Variants in ARID4B observed in about 807,000 individuals in gnomAD.
The protein encoded by ARID4B is AT-rich interactive domain-containing protein 4B.
Under a neutral mutation model 147.5 loss-of-function variants are expected in ARID4B, and 26 were observed. That is an observed-to-expected ratio of 0.18 (90% CI 0.13 to 0.24). ARID4B has a LOEUF of 0.24. ARID4B is among the 10% of genes least tolerant of loss of function. The probability of loss-of-function intolerance (pLI) is 1.00; values close to 1 mark genes in which losing one functional copy is unlikely to be tolerated. For synonymous variants in ARID4B, 512 were observed against 507.9 expected (o/e 1.01, Z -0.11); for missense variants, 1,179 against 1,511.5 (o/e 0.78, Z 3.65).
chr1:235,182,387 C>G lies in ARID4B; in HGVS notation c.2532G>C (p.Glu844Asp). The G allele has an allele frequency of 1.2e-6, 2 of 1,609,666 alleles. No homozygotes were observed. The highest frequency in any genetic ancestry group is 1.7e-6 in the Non-Finnish European group (2 of 1,179,040). ...AAAGTGATTCTTTGTTCTTGGCCTT[C>G]TCTTCCTTTTTGCCAGGTGATCCAG... ...LKTGSPGKKEEKAKNKESLCM... is the reference protein window; with the variant it reads ...LKTGSPGKKEDKAKNKESLCM... Residue 844 changes from glutamate (E) to aspartate (D), a missense_variant, in exon 20 of 24, where the codon GAG becomes GAC. Physicochemically the swap from Glu to Asp is conservative, Grantham distance 45. This residue lies in a region of ARID4B where 321 missense variants were observed against 342.4 expected (regional missense o/e 0.94). Coordinates refer to ENST00000264183, the MANE Select transcript of ARID4B (RefSeq NM_016374.6).
chr1:235,236,828 T>TAAAAA lies in ARID4B; in HGVS notation c.586-2341_586-2337dup, dbSNP rs767176715. ...GCGCCTGGCCCACAAAACGGTTTTA[T>TAAAAA]AAAAAATATATATATATATATATAT... is the stretch of plus-strand genomic sequence containing the variant. On this transcript the variant is annotated intron_variant, in intron 8 of 23. Transcript: ENST00000264183. 9.7e-4 allele frequency among the ~76,000 whole-genome samples: 45 copies of TAAAAA among 46,298 alleles called. 1 individual carries two copies. The highest frequency in any genetic ancestry group is 8.3e-3 in the East Asian group (5 of 604). The allele number at this position is 46,298 out of a possible 152,430, so 30.4% of individuals were successfully genotyped here. A position where few individuals can be genotyped will look rare whatever the true frequency, so the allele number is the denominator to read the frequency against.
intron 5 of ARID4B, among the ~76,000 whole-genome samples, chr1:235,255,285 CTCTATA>C (rs1558250829): frequency 1.0e-5 from 1 of 97,124 alleles, no homozygotes; most frequent in African/African-American, 3.0e-5. Context: ...CTCTCTCTCT[CTCTATA>C]TATATATATA....
At chr1:235,226,937 G>C (rs1667872809) in intron 11 of ARID4B, among the ~76,000 whole-genome samples, 1 of 152,140 alleles carries the variant, frequency 6.6e-6, no homozygotes, top group Non-Finnish European at 1.5e-5. Context: ...CCAAAGTGCT[G>C]GGATTACAGG....
chr1:235,284,883 G>A (rs755384248), intron 2 of ARID4B, among the ~76,000 whole-genome samples: 3 of 150,930 alleles, frequency 2.0e-5, no homozygotes, highest in Non-Finnish European at 4.4e-5. Flanking sequence ...TATCCCTCAT[G>A]AGCAAAAATG....
chr1:235,226,858 G>A (rs961412116), intron 11 of ARID4B, among the ~76,000 whole-genome samples: 2 of 151,838 alleles, frequency 1.3e-5, no homozygotes, highest in Admixed American at 6.6e-5. Context: ...TAGTACAGAC[G>A]GGGTTTCACC....
chr1:235,230,444 AAAAAAC>A (rs1668129582), intron 10 of ARID4B, among the ~76,000 whole-genome samples: 1 of 150,532 alleles, frequency 6.6e-6, no homozygotes, highest in African/African-American at 2.4e-5. Context: ...AACAAAACAA[AAAAAAC>A]AACAACACAA....
intron 17 of ARID4B, among the ~76,000 whole-genome samples, chr1:235,201,321 G>A (rs1259329397): frequency 1.3e-5 from 2 of 152,018 alleles, no homozygotes; most frequent in East Asian, 1.9e-4. Context: ...TAAGGAATAC[G>A]AGAATCTTCT....
intron 2 of ARID4B, among the ~76,000 whole-genome samples, chr1:235,267,527 C>T (rs185478498): frequency 3.3e-5 from 5 of 152,120 alleles, no homozygotes; most frequent in South Asian, 4.2e-4. Flanking sequence ...AAAATGAATA[C>T]ATCGAGGAAA....
chr1:235,236,856 ATATATATTTTTTTTTTT>A (rs1331021535), intron 8 of ARID4B, among the ~76,000 whole-genome samples: 2 of 35,092 alleles, frequency 5.7e-5, no homozygotes, highest in African/African-American at 1.8e-4. Context: ...ATATATATAT[ATATATATTTTTTTTTTT>A]TTTTTTTTTT....
At chr1:235,216,408 C>T (rs984978439) in intron 16 of ARID4B, among the ~76,000 whole-genome samples, 9 of 151,800 alleles carry the variant, frequency 5.9e-5, no homozygotes, top group East Asian at 1.9e-4. Flanking sequence ...AGTACAGTGG[C>T]GTGATCTCAG....
chr1:235,288,304 A>G lies in ARID4B; in HGVS notation c.7-27552T>C, dbSNP rs375293703. ...AGCCTGAAAAACAGAGTGAGACTCC[A>G]TTTCAAAAAAAAAAAAGTAAGTCCT... is the stretch of plus-strand genomic sequence containing the variant. On this transcript the variant is annotated intron_variant, in intron 2 of 23. Coordinates refer to ENST00000264183, the MANE Select transcript of ARID4B (RefSeq NM_016374.6). Among the ~76,000 whole-genome samples, 36 of 152,080 alleles carry G rather than the reference A, an allele frequency of 2.4e-4. No homozygotes were observed. In the South Asian group the frequency reaches 7.5e-3, roughly 32 times the overall value.
At chr1:235,277,559 A>T (rs1347098351) in intron 2 of ARID4B, among the ~76,000 whole-genome samples, 3 of 150,488 alleles carry the variant, frequency 2.0e-5, no homozygotes, top group African/African-American at 7.4e-5. Context: ...AAATAATAAT[A>T]ATAATGTAAA....
rs374681138 is a variant in ARID4B at position 235,209,563 on chromosome 1, G to GTT, written c.1841+4204_1841+4205dup. On this transcript the variant is annotated intron_variant, in intron 17 of 23. Transcript: ENST00000264183. ...AAGAAAATTGATTTTTTTGTTTTTT[G>GTT]TTTTGTTTTTTTTTTTTTGAGATGG... 1.2e-3 allele frequency among the ~76,000 whole-genome samples: 162 copies of GTT among 137,188 alleles called. 4 individuals are homozygous for GTT. The highest frequency in any genetic ancestry group is 3.5e-3 in the African/African-American group (122 of 35,112). The allele number at this position is 137,188 out of a possible 152,430, so 90.0% of individuals were successfully genotyped here.
chr1:235,281,806 G>A (rs543223685), intron 2 of ARID4B, among the ~76,000 whole-genome samples: 1 of 152,292 alleles, frequency 6.6e-6, no homozygotes, highest in South Asian at 2.1e-4. Context: ...GGAGGCTGGT[G>A]AATGTATTTT....
At chr1:235,308,409 A>T (rs900375771) in intron 2 of ARID4B, among the ~76,000 whole-genome samples, 2 of 150,714 alleles carry the variant, frequency 1.3e-5, no homozygotes, top group Non-Finnish European at 3.0e-5. Flanking sequence ...TCCCAGCCTG[A>T]TTTTTTCTAA....
intron 2 of ARID4B, among the ~76,000 whole-genome samples, chr1:235,325,669 A>G (rs1231042062): frequency 6.6e-6 from 1 of 152,244 alleles, no homozygotes; most frequent in Non-Finnish European, 1.5e-5. Flanking sequence ...GATGAGAGTT[A>G]TAGCTAGGAT....
chr1:235,314,353 T>G (rs1474867868), intron 2 of ARID4B, among the ~76,000 whole-genome samples: 1 of 152,216 alleles, frequency 6.6e-6, no homozygotes, highest in African/African-American at 2.4e-5. Flanking sequence ...TCATTTCATA[T>G]TTACACAACT....
intron 2 of ARID4B, among the ~76,000 whole-genome samples, chr1:235,312,211 G>A (rs1019172628): frequency 1.3e-5 from 2 of 152,190 alleles, no homozygotes; most frequent in South Asian, 2.1e-4. Context: ...GCTTGAACCC[G>A]GGAGGCAGAG....
chr1:235,271,078 C>T (rs1670952215), intron 2 of ARID4B, among the ~76,000 whole-genome samples: 1 of 152,062 alleles, frequency 6.6e-6, no homozygotes, highest in African/African-American at 2.4e-5. Flanking sequence ...CCTTAAAATC[C>T]CTACTGGGCC....
Sources: gnomAD v4.1 joint callset for allele counts (sites outside exome capture counted in the v4.1 genomes callset) on GRCh38, gnomAD v4.1.1 for gene constraint, gnomAD v4.1.1 regional missense constraint, MANE v1.5 for transcripts, NCBI Gene and HGNC (gene_info 2026-07-23, HGNC 2026-07-21) for gene names.